The following TK2 variants were observed in gnomAD, a reference collection of about 807,000 sequenced individuals.
TK2 encodes thymidine kinase 2, mitochondrial.
A neutral mutation model predicts 41.9 loss-of-function variants in TK2; 35 were observed. The ratio of observed to expected loss-of-function variants is 0.84; its 90% CI spans 0.64 to 1.11. TK2 has a LOEUF of 1.11. Among genes scored for constraint, TK2 ranks in the 50% least tolerant of loss-of-function variants. TK2 has a pLI of 0.00. For synonymous variants in TK2, 128 were observed against 129.1 expected (o/e 0.99, Z 0.06); for missense variants, 320 against 351.1 (o/e 0.91, Z 0.71).
chr16:66,513,887 G>C (rs1225518785), intron 8 of TK2, 76 bp from the exon 9 acceptor site: 9 of 1,289,038 alleles, frequency 7.0e-6, no homozygotes, highest in African/African-American at 1.5e-5. Context: ...AAGCAGAGGG[G>C]GTCAAAGTAG....
chr16:66,544,134 T>A (rs1336815966), intron 2 of TK2, among the ~76,000 whole-genome samples: 3 of 152,122 alleles, frequency 2.0e-5, no homozygotes, highest in Non-Finnish European at 4.4e-5. Flanking sequence ...ATCCCCAGCA[T>A]GAAATCCTGA....
chr16:66,517,701 T>C lies in TK2; in HGVS notation c.538+88A>G. On this transcript the variant is annotated intron_variant, in intron 7 of 9. Transcript: ENST00000544898. The surrounding 1 kb of genome is among the most constrained non-coding windows in gnomAD (Gnocchi z 4.3). ...TGCCAAGGGCAAGTGCCTCACCCAC[T>C]GCCCCCAAGGGTTGGGGCCCAGCCA... is the stretch of plus-strand genomic sequence containing the variant. The C allele has an allele frequency of 7.9e-7, 1 of 1,257,954 alleles. No individual in the cohort carries two copies. The highest frequency in any genetic ancestry group is 2.3e-5 in the East Asian group (1 of 43,228). The allele number at this position is 1,257,954 out of a possible 1,614,324, so 77.9% of individuals were successfully genotyped here. A position where few individuals can be genotyped will look rare whatever the true frequency, so the allele number is the denominator to read the frequency against.
chr16:66,531,758 G>C (rs1432100898), intron 4 of TK2, among the ~76,000 whole-genome samples: 1 of 152,194 alleles, frequency 6.6e-6, no homozygotes, highest in East Asian at 1.9e-4. Flanking sequence ...TGGAAAGGAA[G>C]AAGTCATCTT....
chr16:66,531,192 G>C (rs1965099324), intron 5 of TK2, among the ~76,000 whole-genome samples, 188 bp downstream of exon 5: 2 of 152,224 alleles, frequency 1.3e-5, no homozygotes, highest in Admixed American at 1.3e-4. Context: ...GAGGTTTGCA[G>C]GTGGGGGCAC....
intron 6 of TK2, among the ~76,000 whole-genome samples, chr16:66,524,532 C>T (rs546125746): frequency 1.3e-5 from 2 of 152,198 alleles, no homozygotes; most frequent in South Asian, 2.1e-4. Flanking sequence ...AGATGGGAGT[C>T]TTACTTTGTT....
At chr16:66,531,210 A>C (rs1000667647) in intron 5 of TK2, among the ~76,000 whole-genome samples, 170 bp downstream of exon 5, 4 of 152,218 alleles carry the variant, frequency 2.6e-5, no homozygotes, top group African/African-American at 9.6e-5. Context: ...CACTAGAGGC[A>C]GGTCAGAAGA....
chr16:66,538,443 C>T (rs1478596448), intron 3 of TK2, among the ~76,000 whole-genome samples: 1 of 152,176 alleles, frequency 6.6e-6, no homozygotes, highest in Non-Finnish European at 1.5e-5. Flanking sequence ...CACAGGCCCA[C>T]CAGAGTCTGG....
At chr16:66,538,301 C>T (rs1304760606) in intron 3 of TK2, among the ~76,000 whole-genome samples, 1 of 152,146 alleles carries the variant, frequency 6.6e-6, no homozygotes, top group Non-Finnish European at 1.5e-5. Context: ...TTCACATCAA[C>T]TTTCATCACA....
chr16:66,548,890 T>G (rs577021980), intron 2 of TK2, 88 bp downstream of exon 2: 186 of 1,296,986 alleles, frequency 1.4e-4, no homozygotes, highest in Non-Finnish European at 2.0e-4. Context: ...TACTATGGAA[T>G]GTATTTTTGC....
chr16:66,537,999 C>T (rs552624244), intron 3 of TK2, among the ~76,000 whole-genome samples: 4 of 152,242 alleles, frequency 2.6e-5, no homozygotes, highest in Non-Finnish European at 5.9e-5. Context: ...CCCATCTCTA[C>T]TAAAAATACA....
chr16:66,545,164 T>G (rs1390848504), intron 2 of TK2, among the ~76,000 whole-genome samples: 1 of 152,172 alleles, frequency 6.6e-6, no homozygotes, highest in African/African-American at 2.4e-5. Flanking sequence ...TATGTATATG[T>G]TTATGAATAT....
chr16:66,542,560 A>G (rs1399325895), intron 2 of TK2, among the ~76,000 whole-genome samples: 2 of 152,196 alleles, frequency 1.3e-5, no homozygotes, highest in East Asian at 1.9e-4. Context: ...GAAAACAAAA[A>G]TGAGGCTTGT....
At chr16:66,512,656 G>A (rs1239460054) in intron 9 of TK2, among the ~76,000 whole-genome samples, 3 of 152,060 alleles carry the variant, frequency 2.0e-5, no homozygotes, top group African/African-American at 4.8e-5. Context: ...GGTGGCATGC[G>A]CCTGTAGTCC....
chr16:66,550,275 C>T (rs1965758994), upstream of TK2: 1 of 1,588,512 alleles, frequency 6.3e-7, no homozygotes, highest in South Asian at 1.1e-5. Context: ...GCTGGCAGAA[C>T]GCACCCATAA....
At chr16:66,532,096 C>T (rs1483777992) in intron 4 of TK2, among the ~76,000 whole-genome samples, 1 of 149,222 alleles carries the variant, frequency 6.7e-6, no homozygotes, top group Non-Finnish European at 1.5e-5. Flanking sequence ...TGCACATGTA[C>T]CCCGCTAAAA....
At position 66,517,154 on chromosome 16, in the gene TK2, C is replaced by T. The variant is rs776331857; in HGVS notation, c.600G>A (p.Glu200=). The stretch of plus-strand genomic sequence containing the variant: ...CTCTTACCAGCGGAATGACCTTCTC[C>T]TCTTCCCTGCATCTCTTCTTTAACC... ...YQRLKKRCRE[E]EKVIPLEYLE... Residue 200 remains glutamate, a synonymous_variant, in exon 8 of 10, where the codon GAG becomes GAA. Transcript: ENST00000544898. This position sits in a 1 kb window ranked among gnomAD's most constrained non-coding sequence, Gnocchi z 4.3. 6.2e-7 allele frequency: 1 copy of T among 1,614,192 alleles called. No individual in the cohort carries two copies. The highest frequency in any genetic ancestry group is 1.3e-5 in the African/African-American group (1 of 75,038).
intron 3 of TK2, among the ~76,000 whole-genome samples, chr16:66,538,469 G>C (rs1482935603): frequency 6.6e-6 from 1 of 152,096 alleles, no homozygotes; most frequent in Non-Finnish European, 1.5e-5. Context: ...AGGCAGCCTT[G>C]CTCCCCGACC....
intron 1 of TK2, 74 bp from the exon 2 acceptor site, chr16:66,549,083 C>T (rs1965698346): frequency 1.9e-6 from 3 of 1,603,400 alleles, no homozygotes; most frequent in East Asian, 2.2e-5. Flanking sequence ...GCTACATGAC[C>T]ACAAAAACAC....
At chr16:66,542,062 C>A in intron 2 of TK2, 109 bp from the exon 3 acceptor site, 1 of 1,218,560 alleles carries the variant, frequency 8.2e-7, no homozygotes. Context: ...TGGTTCAGTC[C>A]AAGACTTTCA....
Sources: allele counts gnomAD v4.1 joint callset (sites outside exome capture counted in the v4.1 genomes callset), GRCh38; gene constraint gnomAD v4.1.1; non-coding constraint Gnocchi (gnomAD v3.1); transcripts MANE v1.5; gene names NCBI Gene and HGNC (gene_info 2026-07-23, HGNC 2026-07-21).